The following IGSF10 variants were observed in gnomAD, a reference collection of about 807,000 sequenced individuals.
IGSF10 encodes the protein calvaria mechanical force protein 608.
IGSF10 carries 126 observed loss-of-function variants against 128.2 expected under a neutral mutation model. That is an observed-to-expected ratio of 0.98 (90% confidence interval 0.85 to 1.14). The LOEUF (loss-of-function observed/expected upper bound fraction) is 1.14. Among genes scored for constraint, IGSF10 ranks in the 50% most tolerant of loss-of-function variants. The pLI, the probability that IGSF10 is intolerant of heterozygous loss-of-function variation, is 0.00. For missense variants in IGSF10, 3,295 were observed against 3,149.8 expected (o/e 1.05, Z -1.10); for synonymous variants, 1,185 against 1,146.2 (o/e 1.03, Z -0.68).
chr3:151,525,509 CTG>C, the IGSF10 span, among the ~76,000 whole-genome samples: 47,006 of 151,866 alleles, frequency 0.31, 7,935 homozygotes, highest in Middle Eastern at 0.42. Flanking sequence ...GGCCAGTAGT[CTG>C]TACTCTATTA....
chr3:151,566,278 T>G, the IGSF10 span, among the ~76,000 whole-genome samples: 2 of 151,882 alleles, frequency 1.3e-5, no homozygotes, highest in East Asian at 3.9e-4. Flanking sequence ...TAGGAAAGAT[T>G]TGAGATGAAT....
At chr3:151,442,380 A>ATTTTTTTT (rs3975405) in intron 7 of IGSF10, among the ~76,000 whole-genome samples, 12 of 124,500 alleles carry the variant, frequency 9.6e-5, no homozygotes, top group African/African-American at 3.2e-5. Context: ...TACAATTACT[A>ATTTTTTTT]TTTTTTTTTT....
At chr3:151,546,218 T>A in the IGSF10 span, among the ~76,000 whole-genome samples, 1 of 152,084 alleles carries the variant, frequency 6.6e-6, no homozygotes, top group African/African-American at 2.4e-5. Flanking sequence ...GGGGGTGATA[T>A]TAGCATGCAG....
At chr3:151,499,621 C>T in the IGSF10 span, 3 of 152,118 alleles carry the variant, frequency 2.0e-5, no homozygotes, top group African/African-American at 7.2e-5. Context: ...ATTCTTAAGA[C>T]CCATAAAGAA....
chr3:151,541,448 G>A, the IGSF10 span, among the ~76,000 whole-genome samples: 41 of 152,208 alleles, frequency 2.7e-4, no homozygotes, highest in African/African-American at 9.6e-4. Context: ...AATTTGCTAG[G>A]CCATAAATTC....
chr3:151,552,861 C>T, the IGSF10 span, among the ~76,000 whole-genome samples: 1 of 152,032 alleles, frequency 6.6e-6, no homozygotes, highest in Non-Finnish European at 1.5e-5. Context: ...TCATGATAGG[C>T]CTTCTTTTTA....
the IGSF10 span, among the ~76,000 whole-genome samples, chr3:151,596,074 C>T: frequency 2.6e-5 from 4 of 151,908 alleles, no homozygotes; most frequent in Admixed American, 1.3e-4. Context: ...TCACATATAC[C>T]TTAAATATAT....
At chr3:151,524,810 A>G in the IGSF10 span, among the ~76,000 whole-genome samples, 1 of 152,122 alleles carries the variant, frequency 6.6e-6, no homozygotes. Context: ...CCAAAGGTTG[A>G]TTTGAGACAT....
At chr3:151,441,879 G>C (rs993430899) in intron 7 of IGSF10, among the ~76,000 whole-genome samples, 3 of 152,140 alleles carry the variant, frequency 2.0e-5, no homozygotes, top group African/African-American at 7.2e-5. Context: ...GGCTAACATG[G>C]TGAAACTCCG....
the IGSF10 span, among the ~76,000 whole-genome samples, chr3:151,560,709 C>A: frequency 7.5e-4 from 113 of 151,430 alleles, no homozygotes; most frequent in Admixed American, 3.0e-3. Flanking sequence ...ATAGCCCCCC[C>A]CTCCGTCCCA....
the IGSF10 span, among the ~76,000 whole-genome samples, chr3:151,488,210 T>A: frequency 6.6e-6 from 1 of 152,066 alleles, no homozygotes; most frequent in Non-Finnish European, 1.5e-5. Context: ...ATGAGTGAAC[T>A]CCCATTCACA....
At chr3:151,467,036 G>T in the IGSF10 span, among the ~76,000 whole-genome samples, 2 of 152,160 alleles carry the variant, frequency 1.3e-5, no homozygotes, top group African/African-American at 4.8e-5. Context: ...TCTTTCATTG[G>T]TATGCAGAGG....
the IGSF10 span, among the ~76,000 whole-genome samples, chr3:151,512,556 G>C: frequency 2.6e-5 from 4 of 152,066 alleles, no homozygotes; most frequent in Non-Finnish European, 5.9e-5. Context: ...AAAAGAACTA[G>C]AGAAGCAAGA....
the IGSF10 span, among the ~76,000 whole-genome samples, chr3:151,469,875 A>C: frequency 6.6e-6 from 1 of 152,232 alleles, no homozygotes; most frequent in African/African-American, 2.4e-5. Context: ...AGATTTGTTC[A>C]AGATTTACAG....
chr3:151,504,553 TC>T, the IGSF10 span, among the ~76,000 whole-genome samples: 1 of 152,216 alleles, frequency 6.6e-6, no homozygotes, highest in African/African-American at 2.4e-5. Flanking sequence ...AAATGAAAGT[TC>T]CAATAGTTAC....
At chr3:151,463,798 C>T (rs543733138), upstream of IGSF10, among the ~76,000 whole-genome samples, 24 of 151,892 alleles carry the variant, frequency 1.6e-4, no homozygotes, top group South Asian at 2.1e-3. Flanking sequence ...CCAGCCTGGT[C>T]AACATGGTGA....
At chr3:151,565,265 G>C in the IGSF10 span, among the ~76,000 whole-genome samples, 1 of 152,170 alleles carries the variant, frequency 6.6e-6, no homozygotes, top group Non-Finnish European at 1.5e-5. Flanking sequence ...AATTGGTAGA[G>C]AGACCTTGAA....
At chr3:151,530,811 G>A in the IGSF10 span, among the ~76,000 whole-genome samples, 26 of 152,010 alleles carry the variant, frequency 1.7e-4, no homozygotes, top group African/African-American at 5.8e-4. Context: ...ATCAACTAAC[G>A]GGCAAAATAA....
chr3:151,514,339 T>C, the IGSF10 span, among the ~76,000 whole-genome samples: 6 of 152,312 alleles, frequency 3.9e-5, no homozygotes, highest in East Asian at 1.2e-3. Context: ...ATTTGATCTT[T>C]GACAAACCTG....
Sources: allele counts gnomAD v4.1 joint callset (sites outside exome capture counted in the v4.1 genomes callset), GRCh38; gene constraint gnomAD v4.1.1; transcripts MANE v1.5; gene names NCBI Gene and HGNC (gene_info 2026-07-23, HGNC 2026-07-21).